Variants in ZNF804B observed in about 807,000 individuals in gnomAD.
ZNF804B encodes zinc finger 804B.
ZNF804B carries 80 observed loss-of-function variants against 101.4 expected under a neutral mutation model. The ratio of observed to expected loss-of-function variants is 0.79; its 90% CI spans 0.66 to 0.95. The LOEUF (loss-of-function observed/expected upper bound fraction) is 0.95, where lower values mean the gene tolerates loss of function less well. Among genes scored for constraint, ZNF804B ranks in the 40% least tolerant of loss-of-function variants. ZNF804B has a pLI of 0.00. For missense variants in ZNF804B, 1,673 were observed against 1,561.9 expected (o/e 1.07, Z -1.20); for synonymous variants, 622 against 558.8 (o/e 1.11, Z -1.59).
intron 1 of ZNF804B, among the ~76,000 whole-genome samples, chr7:88,868,269 TA>T (rs1791766788): frequency 6.6e-6 from 1 of 152,152 alleles, no homozygotes; most frequent in Non-Finnish European, 1.5e-5. Context: ...TAACTGGAAT[TA>T]CCTTCTCCAG....
chr7:88,854,161 G>A (rs1195274322), intron 1 of ZNF804B, among the ~76,000 whole-genome samples: 1 of 151,980 alleles, frequency 6.6e-6, no homozygotes, highest in Admixed American at 6.6e-5. Flanking sequence ...TTTACTATAA[G>A]CCAGGAAAAT....
In ZNF804B at chr7:89,310,840, C is replaced by T. The variant is rs552849713; in HGVS notation, c.250-16504C>T. Among the ~76,000 whole-genome samples, 49 of 152,230 alleles carry T rather than the reference C, an allele frequency of 3.2e-4. 2 individuals are homozygous for T. In the South Asian group the frequency reaches 9.9e-3, roughly 31 times the overall value. The stretch of plus-strand genomic sequence containing the variant: ...ATGAACTGAGCAGGGAGGTTGTGAC[C>T]ATGAAGGAGCTGCACAGCAGGGAAA... On this transcript the variant is annotated intron_variant, in intron 2 of 3. Transcript: ENST00000333190.
intron 1 of ZNF804B, among the ~76,000 whole-genome samples, chr7:89,001,203 A>G (rs1038515842): frequency 2.7e-5 from 4 of 150,216 alleles, no homozygotes; most frequent in Non-Finnish European, 5.9e-5. Flanking sequence ...GTGGATGTAA[A>G]GTGTTCTCAC....
At chr7:89,271,905 C>T (rs1425204012) in intron 2 of ZNF804B, among the ~76,000 whole-genome samples, 10 of 151,722 alleles carry the variant, frequency 6.6e-5, no homozygotes, top group African/African-American at 7.3e-5. Context: ...TCTGTGGGAT[C>T]GGTGGTGATA....
intron 1 of ZNF804B, among the ~76,000 whole-genome samples, chr7:89,066,418 G>A (rs1396378808): frequency 6.6e-6 from 1 of 152,068 alleles, no homozygotes; most frequent in East Asian, 1.9e-4. Context: ...TATAGGGAGT[G>A]GAGGGGAATC....
intron 1 of ZNF804B, among the ~76,000 whole-genome samples, chr7:89,155,732 AGTT>A (rs1412630177): frequency 1.3e-5 from 2 of 152,088 alleles, no homozygotes; most frequent in East Asian, 1.9e-4. Context: ...AACTCTGTTG[AGTT>A]GTTGTGTCTT....
At chr7:88,868,329 T>C (rs1167370266) in intron 1 of ZNF804B, among the ~76,000 whole-genome samples, 1 of 152,174 alleles carries the variant, frequency 6.6e-6, no homozygotes, top group Non-Finnish European at 1.5e-5. Context: ...GGGCTATGTA[T>C]ATCCATTATT....
At chr7:89,200,061 C>T (rs1788608958) in intron 1 of ZNF804B, among the ~76,000 whole-genome samples, 2 of 151,424 alleles carry the variant, frequency 1.3e-5, no homozygotes, top group Non-Finnish European at 2.9e-5. Flanking sequence ...CATGTTTGAA[C>T]TTATTTAATC....
intron 1 of ZNF804B, among the ~76,000 whole-genome samples, chr7:89,053,566 A>G (rs1378357349): frequency 2.6e-5 from 4 of 152,040 alleles, no homozygotes; most frequent in African/African-American, 4.8e-5. Context: ...AAATGTTACT[A>G]TATTATTTTT....
chr7:88,854,410 T>TCTTCCTTTCTTTCTTC (rs1554340140), intron 1 of ZNF804B, among the ~76,000 whole-genome samples: 28 of 132,726 alleles, frequency 2.1e-4, no homozygotes, highest in African/African-American at 7.0e-4. Flanking sequence ...TTTCTTTCTT[T>TCTTCCTTTCTTTCTTC]CTTCCTTTCT....
At chr7:89,241,558 A>G (rs73399107) in intron 2 of ZNF804B, among the ~76,000 whole-genome samples, 6,646 of 152,212 alleles carry the variant, frequency 0.044, 463 homozygotes, top group African/African-American at 0.15. Context: ...CATAATAGGT[A>G]CTCTAATACT....
chr7:89,123,093 A>G (rs1157897043), intron 1 of ZNF804B, among the ~76,000 whole-genome samples: 2 of 151,304 alleles, frequency 1.3e-5, no homozygotes, highest in Admixed American at 6.6e-5. Context: ...TTTGTCTCTT[A>G]TGGGCAGGAC....
intron 1 of ZNF804B, among the ~76,000 whole-genome samples, chr7:88,965,437 T>C (rs1412460051): frequency 6.6e-6 from 1 of 151,452 alleles, no homozygotes; most frequent in Non-Finnish European, 1.5e-5. Flanking sequence ...TTTTTGCTGT[T>C]AGAAAGTTGA....
At chr7:88,849,344 A>T (rs1470482710) in intron 1 of ZNF804B, among the ~76,000 whole-genome samples, 2 of 152,012 alleles carry the variant, frequency 1.3e-5, no homozygotes, top group Non-Finnish European at 1.5e-5. Context: ...ATTTAAAATA[A>T]AATATTTATT....
At chr7:89,319,784 G>T (rs756925427) in intron 2 of ZNF804B, among the ~76,000 whole-genome samples, 1 of 152,152 alleles carries the variant, frequency 6.6e-6, no homozygotes, top group Non-Finnish European at 1.5e-5. Flanking sequence ...GGTACTTGAA[G>T]GCTGTGGACA....
rs141083171 is a variant in ZNF804B, at chr7:89,286,116, A to C, written c.250-41228A>C. Among the ~76,000 whole-genome samples the C allele has an allele frequency of 5.0e-3, 764 of 152,302 alleles. 5 individuals carry two copies. Among genetic ancestry groups the C allele is most frequent in the Non-Finnish European group, 7.5e-3 (512 of 68,012 alleles). ...TTGAAAAATGCCCCTGGCTTCCCAGAATCCCATGAATTCAGCAACTAAGGT... is the reference window on the plus strand; with the variant it reads ...TTGAAAAATGCCCCTGGCTTCCCAGCATCCCATGAATTCAGCAACTAAGGT... On this transcript the variant is annotated intron_variant, in intron 2 of 3. Transcript: ENST00000333190.
intron 1 of ZNF804B, among the ~76,000 whole-genome samples, chr7:88,895,120 G>A (rs1361154349): frequency 6.6e-6 from 1 of 152,136 alleles, no homozygotes; most frequent in Non-Finnish European, 1.5e-5. Context: ...ACTGACCTAA[G>A]TAATTTTGGA....
intron 1 of ZNF804B, among the ~76,000 whole-genome samples, chr7:89,145,837 T>C (rs1011266163): frequency 2.0e-5 from 3 of 152,138 alleles, no homozygotes; most frequent in African/African-American, 7.2e-5. Context: ...TCATTTTTGG[T>C]TAGTTATATA....
chr7:88,936,762 G>C (rs73705594), intron 1 of ZNF804B, among the ~76,000 whole-genome samples: 19,161 of 151,998 alleles, frequency 0.13, 1,396 homozygotes, highest in South Asian at 0.17. Flanking sequence ...TTCATAAATA[G>C]AGTTCTACCT....
Sources: allele counts gnomAD v4.1 joint callset (sites outside exome capture counted in the v4.1 genomes callset), GRCh38; gene constraint gnomAD v4.1.1; transcripts MANE v1.5; gene names NCBI Gene and HGNC (gene_info 2026-07-23, HGNC 2026-07-21).